Variants in GLIS3 observed in about 807,000 individuals in gnomAD.
GLIS3 encodes GLIS family zinc finger 3.
Under a neutral mutation model 78.6 loss-of-function variants are expected in GLIS3, and 53 were observed. The ratio of observed to expected loss-of-function variants is 0.67; its 90% CI spans 0.54 to 0.85. GLIS3 has a LOEUF of 0.85. GLIS3 is among the 40% of genes least tolerant of loss of function. The pLI is 0.00. For synonymous variants in GLIS3, 684 were observed against 509.9 expected (o/e 1.34, Z -4.60); for missense variants, 1,703 against 1,231.1 (o/e 1.38, Z -5.74).
At chr9:4,187,929 A>G (rs1263276773) in intron 2 of GLIS3, among the ~76,000 whole-genome samples, 1 of 152,052 alleles carries the variant, frequency 6.6e-6, no homozygotes, top group African/African-American at 2.4e-5. Context: ...ATATACAATC[A>G]TGTCATCTGC....
chr9:4,237,015 C>T (rs1418843066), intron 2 of GLIS3, among the ~76,000 whole-genome samples: 1 of 151,986 alleles, frequency 6.6e-6, no homozygotes, highest in African/African-American at 2.4e-5. Flanking sequence ...CTTCATTAGG[C>T]ACATGTGGCC....
At chr9:4,279,322 TATACAC>T (rs1424337020) in intron 2 of GLIS3, among the ~76,000 whole-genome samples, 689 of 51,962 alleles carry the variant, frequency 0.013, 14 homozygotes, top group South Asian at 0.073. Flanking sequence ...AAAATATATA[TATACAC>T]ACACACACAC....
At chr9:4,025,320 G>T (rs1321601368) in intron 4 of GLIS3, among the ~76,000 whole-genome samples, 1 of 152,124 alleles carries the variant, frequency 6.6e-6, no homozygotes, top group Non-Finnish European at 1.5e-5. Flanking sequence ...CAAATGGATG[G>T]ACGGAAAAAT....
chr9:3,976,709 C>A (rs531704731), intron 4 of GLIS3, among the ~76,000 whole-genome samples: 1 of 145,842 alleles, frequency 6.9e-6, no homozygotes, highest in African/African-American at 2.5e-5. Context: ...AGGACACACC[C>A]ATTTACTTGC....
intron 4 of GLIS3, among the ~76,000 whole-genome samples, chr9:3,998,195 T>A (rs1055143667): frequency 6.6e-6 from 1 of 152,148 alleles, no homozygotes. Context: ...CTTTCCCTAA[T>A]CCAGATCTGG....
At chr9:3,890,894 C>T (rs1263610317) in intron 7 of GLIS3, among the ~76,000 whole-genome samples, 2 of 152,060 alleles carry the variant, frequency 1.3e-5, no homozygotes, top group Non-Finnish European at 2.9e-5. Context: ...TTCCAATTTG[C>T]TTTTCTTTAG....
intron 6 of GLIS3, among the ~76,000 whole-genome samples, chr9:3,920,465 G>C (rs1196903736): frequency 3.3e-5 from 5 of 152,186 alleles, no homozygotes; most frequent in Non-Finnish European, 5.9e-5. Context: ...TGAGGATAGA[G>C]ACGGGAGATG....
chr9:3,970,251 G>C (rs1246895664), intron 4 of GLIS3, among the ~76,000 whole-genome samples: 1 of 152,172 alleles, frequency 6.6e-6, no homozygotes, highest in Non-Finnish European at 1.5e-5. Context: ...CTGTTTCACT[G>C]ATGCTAGTAA....
chr9:4,188,855 T>A (rs1440471212), intron 2 of GLIS3, among the ~76,000 whole-genome samples: 1 of 152,224 alleles, frequency 6.6e-6, no homozygotes, highest in Non-Finnish European at 1.5e-5. Context: ...TCCTTTATTA[T>A]TTTTTATTGC....
chr9:3,941,841 T>C (rs953298000), intron 4 of GLIS3, among the ~76,000 whole-genome samples: 2 of 152,232 alleles, frequency 1.3e-5, no homozygotes, highest in Non-Finnish European at 2.9e-5. Flanking sequence ...TGTTCCACTT[T>C]GCTAATTTAG....
intron 4 of GLIS3, among the ~76,000 whole-genome samples, chr9:4,048,906 T>G (rs1055741955): frequency 6.6e-6 from 1 of 152,218 alleles, no homozygotes; most frequent in African/African-American, 2.4e-5. Flanking sequence ...GGAATGCCAG[T>G]GACCCTACTG....
chr9:4,207,869 G>A (rs1820020651), intron 2 of GLIS3, among the ~76,000 whole-genome samples: 1 of 152,180 alleles, frequency 6.6e-6, no homozygotes. Flanking sequence ...TCACTTTTGG[G>A]TCACTGATTC....
At chr9:4,423,400 T>C in the GLIS3 span, among the ~76,000 whole-genome samples, 1 of 151,992 alleles carries the variant, frequency 6.6e-6, no homozygotes, top group Non-Finnish European at 1.5e-5. Context: ...ACCCATCTTT[T>C]CCCAGCTGGA....
intron 2 of GLIS3, among the ~76,000 whole-genome samples, chr9:4,153,152 G>T (rs1586822154): frequency 6.6e-6 from 1 of 152,194 alleles, no homozygotes; most frequent in South Asian, 2.1e-4. Context: ...GCAATATCAT[G>T]CAGAGAGAAA....
intron 8 of GLIS3, among the ~76,000 whole-genome samples, chr9:3,874,727 G>A (rs1326951346): frequency 1.3e-5 from 2 of 152,158 alleles, no homozygotes; most frequent in Admixed American, 6.5e-5. Flanking sequence ...GTGGGCTGGG[G>A]GAAAACCCCC....
At chr9:3,860,266 C>A (rs71508592) in intron 8 of GLIS3, among the ~76,000 whole-genome samples, 5 of 52,684 alleles carry the variant, frequency 9.5e-5, no homozygotes, top group Non-Finnish European at 1.7e-4. Flanking sequence ...CAGAGCAAGA[C>A]TCTGTCAAAA....
At chr9:4,486,846 T>C in the GLIS3 span, among the ~76,000 whole-genome samples, 4 of 152,170 alleles carry the variant, frequency 2.6e-5, no homozygotes, top group African/African-American at 9.6e-5. Flanking sequence ...TGTGCCATCA[T>C]GCCCAGGTTA....
chr9:4,317,333 T>C (rs1385602337), intron 2 of GLIS3, among the ~76,000 whole-genome samples: 1 of 152,204 alleles, frequency 6.6e-6, no homozygotes, highest in Admixed American at 6.5e-5. Context: ...GAGAGTTTTT[T>C]ACAGTACTGA....
chr9:4,084,256 A>AACACACACACACACACACACAC lies in GLIS3; in HGVS notation c.1710+33490_1710+33511dup, dbSNP rs370384726. Reference sequence around the variant, plus strand: ...CTCTCTCTCCTTCCTTCCTCTCTCTAACACACACACACACACACACACACA... The same window carrying AACACACACACACACACACACAC: ...CTCTCTCTCCTTCCTTCCTCTCTCTAACACACACACACACACACACACACACACACACACACACACACACACA... On this transcript the variant is annotated intron_variant, in intron 4 of 10. Transcript: ENST00000381971. 7.2e-3 allele frequency among the ~76,000 whole-genome samples: 957 copies of AACACACACACACACACACACAC among 132,102 alleles called. 12 individuals carry two copies. Among genetic ancestry groups the AACACACACACACACACACACAC allele is most frequent in the Admixed American group, 9.4e-3 (120 of 12,772 alleles). 86.7% of individuals were successfully genotyped at this position (132,102 alleles called of 152,430 possible).
Sources: allele counts gnomAD v4.1 joint callset (sites outside exome capture counted in the v4.1 genomes callset), GRCh38; gene constraint gnomAD v4.1.1; transcripts MANE v1.5; gene names NCBI Gene and HGNC (gene_info 2026-07-23, HGNC 2026-07-21).